Variants in ABTB3 observed in about 807,000 individuals in gnomAD.
ABTB3 encodes ankyrin repeat and BTB domain containing 3, also known as ankyrin repeat- and BTB/POZ domain-containing protein 3.
chr12:107,482,180 C>G, the ABTB3 span, among the ~76,000 whole-genome samples: 4 of 152,104 alleles, frequency 2.6e-5, no homozygotes, highest in Non-Finnish European at 5.9e-5. Context: ...CATGTCACCC[C>G]CTCCAGCTGA....
At chr12:107,514,130 A>T in the ABTB3 span, among the ~76,000 whole-genome samples, 2 of 152,150 alleles carry the variant, frequency 1.3e-5, no homozygotes, top group Non-Finnish European at 2.9e-5. Flanking sequence ...CTGGCTGGAG[A>T]GCAGGAAGTT....
chr12:107,649,058 CT>C, the ABTB3 span: 1,114 of 663,490 alleles, frequency 1.7e-3, 7 homozygotes, highest in East Asian at 0.014. Context: ...GTAGTGAGCT[CT>C]TGGTCACTGG....
chr12:107,508,443 T>TTTTTTTTTTTG, the ABTB3 span, among the ~76,000 whole-genome samples: 591 of 74,910 alleles, frequency 7.9e-3, 25 homozygotes, highest in African/African-American at 0.013. Flanking sequence ...CATTTCTTTT[T>TTTTTTTTTTTG]TTTTTTTTTT....
At chr12:107,645,871 T>G in the ABTB3 span, among the ~76,000 whole-genome samples, 25,571 of 152,196 alleles carry the variant, frequency 0.17, 2,296 homozygotes, top group Middle Eastern at 0.25. Context: ...AAGGGAAAAT[T>G]TAACAGGACC....
At chr12:107,491,210 G>A in the ABTB3 span, among the ~76,000 whole-genome samples, 5 of 152,058 alleles carry the variant, frequency 3.3e-5, no homozygotes, top group South Asian at 2.1e-4. Context: ...TGGCTCCTTC[G>A]CCCTGAGCCT....
the ABTB3 span, among the ~76,000 whole-genome samples, chr12:107,458,952 G>C: frequency 6.6e-6 from 1 of 152,190 alleles, no homozygotes; most frequent in Non-Finnish European, 1.5e-5. Context: ...GAAACTCTAA[G>C]GCCTTTGAGA....
chr12:107,624,972 G>T, the ABTB3 span, among the ~76,000 whole-genome samples: 3 of 152,112 alleles, frequency 2.0e-5, no homozygotes, highest in Non-Finnish European at 4.4e-5. Flanking sequence ...TAATTCAGTT[G>T]CTCCATACCC....
At chr12:107,419,117 G>C in the ABTB3 span, among the ~76,000 whole-genome samples, 600 of 152,344 alleles carry the variant, frequency 3.9e-3, 4 homozygotes, top group South Asian at 0.025. Context: ...CCCCAGGGGA[G>C]TTTATTAAGT....
chr12:107,370,784 T>TA, the ABTB3 span, among the ~76,000 whole-genome samples: 2 of 115,444 alleles, frequency 1.7e-5, no homozygotes, highest in African/African-American at 8.5e-5. Context: ...TTTTTTTTTT[T>TA]TACAGTTTTG....
At chr12:107,513,171 GTTCTCCTCC>G in the ABTB3 span, among the ~76,000 whole-genome samples, 1 of 152,178 alleles carries the variant, frequency 6.6e-6, no homozygotes, top group Non-Finnish European at 1.5e-5. Flanking sequence ...AAAGTTGGCT[GTTCTCCTCC>G]TTCTCCTCCT....
chr12:107,526,054 A>G, the ABTB3 span, among the ~76,000 whole-genome samples: 3 of 152,170 alleles, frequency 2.0e-5, no homozygotes, highest in Non-Finnish European at 4.4e-5. Context: ...ACCCACAACT[A>G]AGGAAATTTC....
chr12:107,331,683 C>G, the ABTB3 span, among the ~76,000 whole-genome samples: 1 of 152,318 alleles, frequency 6.6e-6, no homozygotes, highest in East Asian at 1.9e-4. Context: ...GAAGTCTGCA[C>G]CACCAGGGCA....
chr12:107,594,002 T>A, the ABTB3 span, among the ~76,000 whole-genome samples: 1 of 152,190 alleles, frequency 6.6e-6, no homozygotes, highest in Non-Finnish European at 1.5e-5. Flanking sequence ...TGTGTCCAGC[T>A]AAAAATTCAA....
the ABTB3 span, among the ~76,000 whole-genome samples, chr12:107,561,225 C>T: frequency 2.0e-4 from 30 of 152,254 alleles, no homozygotes; most frequent in African/African-American, 7.0e-4. Flanking sequence ...CCTGGGGCAG[C>T]AAGGTGGGGA....
the ABTB3 span, chr12:107,657,399 G>A: frequency 4.3e-6 from 4 of 919,778 alleles, no homozygotes; most frequent in Non-Finnish European, 6.9e-6. Context: ...GAGACATTCT[G>A]CAGCCAGTCT....
the ABTB3 span, among the ~76,000 whole-genome samples, chr12:107,603,392 T>G: frequency 2.6e-5 from 4 of 152,370 alleles, no homozygotes; most frequent in Admixed American, 6.5e-5. Flanking sequence ...ATTTATTATT[T>G]ATTTTGGATG....
chr12:107,498,622 C>A, the ABTB3 span, among the ~76,000 whole-genome samples: 8 of 152,174 alleles, frequency 5.3e-5, no homozygotes, highest in East Asian at 1.5e-3. Context: ...CCACAACGGT[C>A]AATTAGGTCT....
At chr12:107,628,709 A>G in the ABTB3 span, among the ~76,000 whole-genome samples, 2 of 152,212 alleles carry the variant, frequency 1.3e-5, no homozygotes, top group Non-Finnish European at 2.9e-5. Flanking sequence ...GGAGTTAAAA[A>G]TGGTCAAATA....
chr12:107,572,243 T>C, the ABTB3 span, among the ~76,000 whole-genome samples: 1 of 151,904 alleles, frequency 6.6e-6, no homozygotes, highest in Non-Finnish European at 1.5e-5. Flanking sequence ...CAAGGAATGC[T>C]AGCTACCACC....
Sources: allele counts gnomAD v4.1 joint callset (sites outside exome capture counted in the v4.1 genomes callset), GRCh38; gene constraint gnomAD v4.1.1; transcripts MANE v1.5; gene names NCBI Gene and HGNC (gene_info 2026-07-23, HGNC 2026-07-21).